ST18: variants seen among roughly 807,000 people sequenced by gnomAD.
ST18 encodes suppression of tumorigenicity 18 protein.
In ST18, 50 loss-of-function variants were observed where a neutral mutation model predicts 110.0. The observed-to-expected ratio is 0.45, with a 90% CI of 0.36 to 0.58. The LOEUF (loss-of-function observed/expected upper bound fraction) is 0.58. Ranked by LOEUF, ST18 falls within the 20% of genes least tolerant of loss-of-function variation. The pLI is 0.00. For synonymous variants in ST18, 461 were observed against 452.4 expected (o/e 1.02, Z -0.24); for missense variants, 1,306 against 1,280.1 (o/e 1.02, Z -0.31).
At chr8:52,282,561 A>G (rs1326544187) in intron 2 of ST18, among the ~76,000 whole-genome samples, 2 of 152,110 alleles carry the variant, frequency 1.3e-5, no homozygotes, top group African/African-American at 4.8e-5. Context: ...AACCTCCATC[A>G]CTGTATGTAG....
intron 8 of ST18, among the ~76,000 whole-genome samples, chr8:52,209,521 C>T (rs968825468): frequency 6.6e-6 from 1 of 152,100 alleles, no homozygotes; most frequent in African/African-American, 2.4e-5. Context: ...CCTGTAATCC[C>T]AGCACTTTGG....
chr8:52,366,628 G>A (rs1046806149), intron 2 of ST18, among the ~76,000 whole-genome samples: 2 of 152,190 alleles, frequency 1.3e-5, no homozygotes, highest in Non-Finnish European at 2.9e-5. Context: ...TAACTGCCAT[G>A]TCACCTCCTC....
At chr8:52,172,769 G>A (rs746230714) in intron 9 of ST18, among the ~76,000 whole-genome samples, 186 bp from the exon 10 acceptor site, 54 of 152,054 alleles carry the variant, frequency 3.6e-4, no homozygotes, top group Non-Finnish European at 5.9e-4. Context: ...AAACATTGGT[G>A]AGAAAAACAT....
chr8:52,357,675 A>G (rs1823416930), intron 2 of ST18, among the ~76,000 whole-genome samples: 1 of 85,788 alleles, frequency 1.2e-5, no homozygotes, highest in Non-Finnish European at 2.2e-5. Context: ...CAAAATCTAT[A>G]AATATATATA....
intron 8 of ST18, among the ~76,000 whole-genome samples, chr8:52,201,688 C>A (rs772037459): frequency 6.6e-6 from 1 of 152,208 alleles, no homozygotes; most frequent in African/African-American, 2.4e-5. Flanking sequence ...GGCTGCCCAG[C>A]CTTCAGTTTC....
intron 2 of ST18, among the ~76,000 whole-genome samples, chr8:52,337,721 G>C (rs1317091785): frequency 6.6e-6 from 1 of 152,174 alleles, no homozygotes; most frequent in Non-Finnish European, 1.5e-5. Context: ...CGTTTCTCAG[G>C]GATACCAAAG....
chr8:52,404,722 G>GT lies in ST18; in HGVS notation c.-465+4605dup, dbSNP rs1336598285. On this transcript the variant is annotated intron_variant, in intron 2 of 25. Transcript: ENST00000689386. Reference sequence around the variant, plus strand: ...ACTTCCCCATCTTTTCTCTCAAGCTGTAAGTATCAACTTATCTGAATTTTA... The same window carrying GT: ...ACTTCCCCATCTTTTCTCTCAAGCTGTTAAGTATCAACTTATCTGAATTTTA... 9.2e-5 allele frequency: 14 copies of GT among 152,238 alleles called. No individual in the cohort carries two copies. The East Asian group carries it at 2.7e-3, about 29-fold the overall frequency. 9.4% of individuals were successfully genotyped at this position (152,238 alleles called of 1,614,324 possible).
intron 2 of ST18, among the ~76,000 whole-genome samples, chr8:52,371,237 T>C (rs1830171529): frequency 6.6e-6 from 1 of 152,232 alleles, no homozygotes; most frequent in Non-Finnish European, 1.5e-5. Flanking sequence ...CAAAGGCGAA[T>C]AATGTAACAT....
chr8:52,187,443 TCATA>T (rs2072763905), intron 8 of ST18, among the ~76,000 whole-genome samples: 1 of 152,216 alleles, frequency 6.6e-6, no homozygotes, highest in Non-Finnish European at 1.5e-5. Context: ...ACTATCCATA[TCATA>T]CTATTCAATG....
chr8:52,334,647 C>A (rs890658807), intron 2 of ST18, among the ~76,000 whole-genome samples: 3 of 152,104 alleles, frequency 2.0e-5, no homozygotes, highest in African/African-American at 7.2e-5. Flanking sequence ...GACTATGGGG[C>A]TTTTTCTGTC....
At chr8:52,278,647 C>T (rs1412031551) in intron 2 of ST18, among the ~76,000 whole-genome samples, 1 of 152,158 alleles carries the variant, frequency 6.6e-6, no homozygotes, top group Admixed American at 6.5e-5. Context: ...ATCACAAGCA[C>T]ACACACAAAC....
chr8:52,195,608 T>G (rs1015061879), intron 8 of ST18, among the ~76,000 whole-genome samples: 11 of 152,180 alleles, frequency 7.2e-5, no homozygotes, highest in African/African-American at 1.9e-4. Flanking sequence ...TTAAAGAAGA[T>G]TATTGCAACA....
intron 3 of ST18, among the ~76,000 whole-genome samples, chr8:52,223,803 G>A (rs77584131): frequency 0.012 from 1,768 of 152,148 alleles, 38 homozygotes; most frequent in African/African-American, 0.041. Flanking sequence ...ACTAATATGA[G>A]GTCATCACCA....
chr8:52,172,582 C>T lies in ST18; in HGVS notation c.279G>A (p.Glu93=). Reference sequence around the variant, plus strand: ...CATCCATAGGTTTTATCATGATTTCCTCTATGGAAAAAGAAAACCAATATT... The same window carrying T: ...CATCCATAGGTTTTATCATGATTTCTTCTATGGAAAAAGAAAACCAATATT... ...PLETHGHSTA[E]EIMIKPMDES... Residue 93 remains glutamate, a splice_region_variant and synonymous_variant, in exon 10 of 26, where the codon GAG becomes GAA. Coordinates refer to ENST00000689386, the MANE Select transcript of ST18 (RefSeq NM_001352837.2). 6.5e-7 allele frequency: 1 copy of T among 1,549,198 alleles called. No individual in the cohort carries two copies. The highest frequency in any genetic ancestry group is 8.7e-7 in the Non-Finnish European group (1 of 1,153,662).
intron 2 of ST18, among the ~76,000 whole-genome samples, chr8:52,329,857 G>A (rs1018996318): frequency 6.6e-6 from 1 of 152,152 alleles, no homozygotes; most frequent in Non-Finnish European, 1.5e-5. Flanking sequence ...GGTTAAAAAG[G>A]TTGCAAAATA....
chr8:52,160,519 T>C (rs1265207489), intron 14 of ST18, among the ~76,000 whole-genome samples: 2 of 152,220 alleles, frequency 1.3e-5, no homozygotes, highest in East Asian at 1.9e-4. Context: ...AGGGATTCTA[T>C]GGCTATGCAG....
intron 22 of ST18, among the ~76,000 whole-genome samples, chr8:52,131,682 A>G (rs765997215): frequency 2.0e-5 from 3 of 152,248 alleles, no homozygotes; most frequent in Non-Finnish European, 1.5e-5. Context: ...AACCGTTAAG[A>G]AATAGCAGCC....
At chr8:52,126,018 C>T (rs753272016) in intron 23 of ST18, 34 bp downstream of exon 23, 17 of 1,583,934 alleles carry the variant, frequency 1.1e-5, no homozygotes, top group African/African-American at 8.1e-5. Flanking sequence ...CTACACCCTG[C>T]AGGAGGTGGT....
At chr8:52,275,797 C>T (rs1161452486) in intron 2 of ST18, among the ~76,000 whole-genome samples, 1 of 152,048 alleles carries the variant, frequency 6.6e-6, no homozygotes, top group East Asian at 1.9e-4. Flanking sequence ...GACAGTGCTT[C>T]CCATGCCCAC....
Sources: allele counts gnomAD v4.1 joint callset (sites outside exome capture counted in the v4.1 genomes callset), GRCh38; gene constraint gnomAD v4.1.1; transcripts MANE v1.5; gene names NCBI Gene and HGNC (gene_info 2026-07-23, HGNC 2026-07-21).